The following RPS6KC1 variants were observed in gnomAD, a reference collection of about 807,000 sequenced individuals.
RPS6KC1 encodes the protein ribosomal protein S6 kinase C1.
In RPS6KC1, 54 loss-of-function variants were observed where a neutral mutation model predicts 103.8. That is an observed-to-expected ratio of 0.52 (90% CI 0.42 to 0.65). The LOEUF (loss-of-function observed/expected upper bound fraction) is 0.65. RPS6KC1 is among the 30% of genes least tolerant of loss of function. The pLI is 0.00. For synonymous variants in RPS6KC1, 439 were observed against 438.7 expected (o/e 1.00, Z -0.01); for missense variants, 1,151 against 1,253.8 (o/e 0.92, Z 1.24).
chr1:213,696,441 G>A, the RPS6KC1 span, among the ~76,000 whole-genome samples: 1 of 149,442 alleles, frequency 6.7e-6, no homozygotes, highest in African/African-American at 2.5e-5. Context: ...GGCGGAGACT[G>A]CGGTGAGCCG....
the RPS6KC1 span, among the ~76,000 whole-genome samples, chr1:213,429,685 T>C: frequency 0.023 from 3,438 of 152,262 alleles, 133 homozygotes; most frequent in African/African-American, 0.078. Context: ...TGAACACCTC[T>C]CAGGAAGTTC....
At chr1:213,221,921 G>T (rs1448882309) in intron 8 of RPS6KC1, among the ~76,000 whole-genome samples, 1 of 152,202 alleles carries the variant, frequency 6.6e-6, no homozygotes, top group Non-Finnish European at 1.5e-5. Flanking sequence ...AATTCTGGTA[G>T]ATTTGGTCTG....
At chr1:213,858,152 AAAT>A in the RPS6KC1 span, among the ~76,000 whole-genome samples, 3 of 152,228 alleles carry the variant, frequency 2.0e-5, no homozygotes, top group African/African-American at 7.2e-5. Context: ...TAATTGTAAT[AAAT>A]AATAAAAACT....
chr1:213,457,960 T>C, the RPS6KC1 span, among the ~76,000 whole-genome samples: 1 of 152,260 alleles, frequency 6.6e-6, no homozygotes. Context: ...TAGATTTTTA[T>C]AGCAGTAAGT....
chr1:213,157,760 A>C (rs953375945), intron 6 of RPS6KC1, among the ~76,000 whole-genome samples: 2 of 152,080 alleles, frequency 1.3e-5, no homozygotes, highest in African/African-American at 4.8e-5. Context: ...TCTTTGTTCT[A>C]GCGATTATTG....
chr1:213,565,461 C>A, the RPS6KC1 span, among the ~76,000 whole-genome samples: 1 of 152,070 alleles, frequency 6.6e-6, no homozygotes, highest in Non-Finnish European at 1.5e-5. Context: ...ACGTGTAACA[C>A]CATGGATGAA....
the RPS6KC1 span, among the ~76,000 whole-genome samples, chr1:213,700,869 A>G: frequency 0.017 from 2,516 of 152,082 alleles, 47 homozygotes; most frequent in African/African-American, 0.047. Flanking sequence ...CACTGTTGGC[A>G]TATAGAAATG....
In RPS6KC1 at chr1:213,077,524, A is replaced by T. The variant is rs959861761; in HGVS notation, c.142-172A>T. On this transcript the variant is annotated intron_variant, in intron 2 of 14. Transcript: ENST00000366960. ...TTCCTGGTCAGCAGGAATCTGCCTT[A>T]TATTTTTAAAGCAAATATTATTAGT... 3.3e-5 allele frequency among the ~76,000 whole-genome samples: 5 copies of T among 152,282 alleles called. No individual in the cohort carries two copies. In the East Asian group the frequency reaches 9.6e-4, roughly 29 times the overall value.
chr1:213,320,914 C>T, the RPS6KC1 span, among the ~76,000 whole-genome samples: 1 of 152,196 alleles, frequency 6.6e-6, no homozygotes, highest in Admixed American at 6.5e-5. Context: ...CTTTCCCCTG[C>T]TCTGTTTCTC....
the RPS6KC1 span, among the ~76,000 whole-genome samples, chr1:213,679,173 G>A: frequency 6.6e-6 from 1 of 152,142 alleles, no homozygotes; most frequent in Non-Finnish European, 1.5e-5. Flanking sequence ...CAAGTAAAGT[G>A]CTGCAGTCTT....
At chr1:213,116,566 T>C (rs892123725) in intron 4 of RPS6KC1, among the ~76,000 whole-genome samples, 203 of 147,824 alleles carry the variant, frequency 1.4e-3, no homozygotes, top group African/African-American at 5.0e-3. Context: ...AAAGTTAATA[T>C]TGTTATGTGT....
At chr1:213,691,495 T>A in the RPS6KC1 span, among the ~76,000 whole-genome samples, 1 of 152,152 alleles carries the variant, frequency 6.6e-6, no homozygotes, top group Admixed American at 6.5e-5. Context: ...GATTTTCTAT[T>A]AGATTCCATA....
chr1:213,629,124 T>G, the RPS6KC1 span, among the ~76,000 whole-genome samples: 1 of 152,166 alleles, frequency 6.6e-6, no homozygotes, highest in South Asian at 2.1e-4. Flanking sequence ...CTGAGTTCAA[T>G]TCCTGGGTAT....
At chr1:213,832,892 C>A in the RPS6KC1 span, among the ~76,000 whole-genome samples, 3 of 152,150 alleles carry the variant, frequency 2.0e-5, no homozygotes, top group Non-Finnish European at 4.4e-5. Context: ...CTAACTGAGG[C>A]CTTCCCATAG....
chr1:213,239,216 T>A (rs889979339), intron 10 of RPS6KC1, among the ~76,000 whole-genome samples: 1 of 152,102 alleles, frequency 6.6e-6, no homozygotes, highest in Admixed American at 6.6e-5. Context: ...CACACGCCTG[T>A]AATCCCAGCT....
the RPS6KC1 span, among the ~76,000 whole-genome samples, chr1:213,513,667 A>G: frequency 6.6e-6 from 1 of 152,228 alleles, no homozygotes; most frequent in Admixed American, 6.5e-5. Flanking sequence ...CAAACTTACC[A>G]TTTGAATGCC....
the RPS6KC1 span, among the ~76,000 whole-genome samples, chr1:213,577,703 G>C: frequency 6.6e-6 from 1 of 152,202 alleles, no homozygotes; most frequent in Non-Finnish European, 1.5e-5. Flanking sequence ...AGATGATTTA[G>C]GGTATCTGGT....
At chr1:213,070,136 C>G (rs1001682242) in intron 1 of RPS6KC1, among the ~76,000 whole-genome samples, 4 of 151,964 alleles carry the variant, frequency 2.6e-5, no homozygotes, top group African/African-American at 9.7e-5. Flanking sequence ...TGTGTCCGAG[C>G]ATTGTAGCTG....
At chr1:213,230,835 CAAAA>C (rs760471422) in intron 9 of RPS6KC1, among the ~76,000 whole-genome samples, 5 of 54,680 alleles carry the variant, frequency 9.1e-5, no homozygotes, top group African/African-American at 1.2e-4. Flanking sequence ...GACCCTGTCT[CAAAA>C]AAAAAAAAAA....
Sources: gnomAD v4.1 joint callset for allele counts (sites outside exome capture counted in the v4.1 genomes callset) on GRCh38, gnomAD v4.1.1 for gene constraint, MANE v1.5 for transcripts, NCBI Gene and HGNC (gene_info 2026-07-23, HGNC 2026-07-21) for gene names.